MTHFD2L: variants seen among roughly 807,000 people sequenced by gnomAD.
MTHFD2L encodes the protein methylenetetrahydrofolate dehydrogenase (NADP+ dependent) 2 like, also known as bifunctional methylenetetrahydrofolate dehydrogenase/cyclohydrolase 2, mitochondrial.
MTHFD2L carries 29 observed loss-of-function variants against 34.9 expected under a neutral mutation model. That is an observed-to-expected ratio of 0.83 (90% CI 0.62 to 1.13). The LOEUF (loss-of-function observed/expected upper bound fraction) is 1.13. MTHFD2L is among the 50% of genes most tolerant of loss of function. The probability of loss-of-function intolerance (pLI) is 0.00; values close to 1 mark genes in which losing one functional copy is unlikely to be tolerated. For missense variants in MTHFD2L, 481 were observed against 446.5 expected (o/e 1.08, Z -0.70); for synonymous variants, 167 against 155.7 (o/e 1.07, Z -0.54).
chr4:74,169,732 T>C (rs1727498411), intron 1 of MTHFD2L, among the ~76,000 whole-genome samples: 1 of 152,188 alleles, frequency 6.6e-6, no homozygotes, highest in Non-Finnish European at 1.5e-5. Context: ...AAGATCCTTG[T>C]TATCTTAGTG....
chr4:74,122,362 G>C (rs575651094), upstream of MTHFD2L, among the ~76,000 whole-genome samples: 2 of 152,288 alleles, frequency 1.3e-5, no homozygotes, highest in Admixed American at 6.5e-5. Flanking sequence ...ACAGGAGAGA[G>C]AGAGAGTGAA....
At chr4:74,300,746 A>G (rs1020948537) in intron 7 of MTHFD2L, among the ~76,000 whole-genome samples, 1 of 152,054 alleles carries the variant, frequency 6.6e-6, no homozygotes, top group African/African-American at 2.4e-5. Context: ...CAGATTCTCC[A>G]TGACTTATGA....
At position 74,192,481 on chromosome 4, in the gene MTHFD2L, G is replaced by T. The variant is rs551206512; in HGVS notation, c.452-7313G>T. Among the ~76,000 whole-genome samples, 17 of 152,142 alleles carry T rather than the reference G, an allele frequency of 1.1e-4. No individual in the cohort carries two copies. The East Asian group carries it at 3.1e-3, about 28-fold the overall frequency. ...AAACTTTAGTGTATACATCATTAAG[G>T]TTCATTATTTATGTTATGTGAAATT... On this transcript the variant is annotated intron_variant, in intron 3 of 7. Transcript: ENST00000325278.
upstream of MTHFD2L, among the ~76,000 whole-genome samples, chr4:74,123,818 T>TG (rs1721886001): frequency 6.6e-6 from 1 of 152,140 alleles, no homozygotes; most frequent in Admixed American, 6.6e-5. Context: ...AACAATTTCA[T>TG]GGGCTTCTAA....
chr4:74,251,236 A>G (rs1272778792), intron 6 of MTHFD2L, among the ~76,000 whole-genome samples: 2 of 152,216 alleles, frequency 1.3e-5, no homozygotes, highest in African/African-American at 2.4e-5. Flanking sequence ...TTTTACAAGA[A>G]TTCAGTGTAA....
intron 5 of MTHFD2L, among the ~76,000 whole-genome samples, chr4:74,205,359 AC>A (rs1474595248): frequency 2.2e-4 from 33 of 152,262 alleles, no homozygotes; most frequent in Non-Finnish European, 4.3e-4. Context: ...TATCTATAGA[AC>A]TTGTTCTAAT....
intron 7 of MTHFD2L, among the ~76,000 whole-genome samples, chr4:74,301,163 G>C (rs1418283801): frequency 6.6e-6 from 1 of 151,994 alleles, no homozygotes; most frequent in Non-Finnish European, 1.5e-5. Context: ...CACTGAATAA[G>C]TTCCCATACC....
intron 6 of MTHFD2L, among the ~76,000 whole-genome samples, chr4:74,244,965 C>T (rs1034330052): frequency 6.6e-6 from 1 of 151,824 alleles, no homozygotes; most frequent in African/African-American, 2.4e-5. Flanking sequence ...GAGGCCGAGG[C>T]GGGCGGATCA....
At chr4:74,174,726 A>T (rs1157227166) in intron 2 of MTHFD2L, 36 bp downstream of exon 2, 2 of 1,299,884 alleles carry the variant, frequency 1.5e-6, no homozygotes, top group South Asian at 5.0e-5. Context: ...ACTACTAAAT[A>T]TGTTTTCTGT....
chr4:74,174,436 T>C, intron 1 of MTHFD2L, 70 bp from the exon 2 acceptor site: 1 of 1,209,608 alleles, frequency 8.3e-7, no homozygotes. Flanking sequence ...TATTGAGTTT[T>C]GTACCTTAAA....
At chr4:74,206,247 G>A (rs928589625) in intron 5 of MTHFD2L, among the ~76,000 whole-genome samples, 5 of 152,152 alleles carry the variant, frequency 3.3e-5, no homozygotes, top group African/African-American at 7.2e-5. Flanking sequence ...GATAAAGAAG[G>A]CATGTAAGAA....
chr4:74,180,750 T>A, intron 3 of MTHFD2L: 1 of 443,298 alleles, frequency 2.3e-6, no homozygotes, highest in Non-Finnish European at 4.6e-6. Context: ...GGCTTGCTCT[T>A]TGTCCAGTAG....
At chr4:74,153,519 C>A (rs474734), upstream of MTHFD2L, among the ~76,000 whole-genome samples, 1 of 152,192 alleles carries the variant, frequency 6.6e-6, no homozygotes, top group East Asian at 1.9e-4. Context: ...TTTAATCATC[C>A]CTGATTTAAC....
At chr4:74,209,085 C>T (rs896819400) in intron 5 of MTHFD2L, among the ~76,000 whole-genome samples, 2 of 151,974 alleles carry the variant, frequency 1.3e-5, no homozygotes, top group African/African-American at 4.8e-5. Flanking sequence ...AAACATGTAT[C>T]AAAACAAAAC....
At chr4:74,243,151 G>A (rs2110175250) in intron 6 of MTHFD2L, among the ~76,000 whole-genome samples, 1 of 152,328 alleles carries the variant, frequency 6.6e-6, no homozygotes, top group South Asian at 2.1e-4. Context: ...TGGCCTCTCA[G>A]CTGCCATATG....
At chr4:74,290,621 C>T (rs926531279) in intron 7 of MTHFD2L, among the ~76,000 whole-genome samples, 2 of 151,990 alleles carry the variant, frequency 1.3e-5, no homozygotes. Flanking sequence ...AATTGCCAAG[C>T]ATAATGCCTG....
Position 74,291,003 on chromosome 4 carries a change from C to CTTTTTTTTTTTTTTTTTTT in MTHFD2L, c.931+9467_931+9485dup, listed in dbSNP as rs10585551. Among the ~76,000 whole-genome samples the CTTTTTTTTTTTTTTTTTTT allele has an allele frequency of 1.7e-3, 49 of 29,278 alleles. 12 individuals are homozygous for CTTTTTTTTTTTTTTTTTTT. Among genetic ancestry groups the CTTTTTTTTTTTTTTTTTTT allele is most frequent in the South Asian group, 5.8e-3 (2 of 346 alleles). The allele number at this position is 29,278 out of a possible 152,430, so 19.2% of individuals were successfully genotyped here. A position where few individuals can be genotyped will look rare whatever the true frequency, so the allele number is the denominator to read the frequency against. Reference sequence around the variant, plus strand: ...CTGTCTTACATTTATTTTTCCTTTTCTTTTTTTTTTTTTTTTTTTTTTTTT... The same window carrying CTTTTTTTTTTTTTTTTTTT: ...CTGTCTTACATTTATTTTTCCTTTTCTTTTTTTTTTTTTTTTTTTTTTTTTTTTTTTTTTTTTTTTTTTT... On this transcript the variant is annotated intron_variant, in intron 7 of 7. Coordinates refer to ENST00000325278, the MANE Select transcript of MTHFD2L (RefSeq NM_001144978.3).
chr4:74,285,316 T>G (rs1335296219), intron 7 of MTHFD2L, among the ~76,000 whole-genome samples: 1 of 152,076 alleles, frequency 6.6e-6, no homozygotes, highest in South Asian at 2.1e-4. Context: ...GTTGAGCACA[T>G]GTACCCTAAA....
chr4:74,280,630 GTTTT>G (rs11299871), intron 6 of MTHFD2L, among the ~76,000 whole-genome samples: 4 of 148,062 alleles, frequency 2.7e-5, no homozygotes, highest in African/African-American at 9.8e-5. Context: ...ATTGTTCAAT[GTTTT>G]TTTTTTTTAA....
Sources: allele counts gnomAD v4.1 joint callset (sites outside exome capture counted in the v4.1 genomes callset), GRCh38; gene constraint gnomAD v4.1.1; transcripts MANE v1.5; gene names NCBI Gene and HGNC (gene_info 2026-07-23, HGNC 2026-07-21).